Variants in AIFM3 observed in about 807,000 individuals in gnomAD.
AIFM3 encodes the protein AIF family member 3.
AIFM3 carries 71 observed loss-of-function variants against 82.7 expected under a neutral mutation model. The ratio of observed to expected loss-of-function variants is 0.86; its 90% CI spans 0.71 to 1.05. AIFM3 has a LOEUF of 1.05. AIFM3 is among the 50% of genes least tolerant of loss of function. The pLI is 0.00. For synonymous variants in AIFM3, 337 were observed against 329.1 expected, an observed-to-expected ratio of 1.02 and a Z score of -0.26; for missense variants, 748 against 816.7, an observed-to-expected ratio of 0.92 and a Z score of 1.03.
At position 20,979,275 on chromosome 22, in the gene AIFM3, C is replaced by A. The variant is rs1402273933; in HGVS notation, c.1482C>A (p.Arg494=). Residue 494 remains arginine (R), a synonymous_variant, in exon 17 of 21, where the codon CGC becomes CGA. Transcript: ENST00000440238. ...PHWQMAHAQG[R]VAAQNMLAQE... ...TCACGGCCCTGGGTCCCGCAGGGCG[C>A]GTGGCAGCCCAGAACATGTTGGCGC... The A allele has an allele frequency of 6.4e-7, 1 of 1,555,256 alleles. No homozygotes were observed.
chr22:20,979,213 G>C (rs1418952658), intron 16 of AIFM3, 58 bp from the exon 17 acceptor site: 3 of 1,525,662 alleles, frequency 2.0e-6, no homozygotes, highest in South Asian at 1.2e-5. Flanking sequence ...ATCAGGAGCA[G>C]GTAGTGTGGG....
At position 20,973,436 on chromosome 22, in the gene AIFM3, G is replaced by T. The variant is rs771256400; in HGVS notation, c.161G>T (p.Arg54Leu). ...GCCCGCCACTTCCACACGGAGGAGC[G>T]CCTGTCCACCCCTCACCCCTACCCC... ...GTARHFHTEERLSTPHPYPSP... is the reference protein window; with the variant it reads ...GTARHFHTEELLSTPHPYPSP... The change falls in exon 3 of 21, where the codon CGC becomes CTC. Residue 54 changes from arginine (R) to leucine (L), a missense_variant. Physicochemically the swap from Arg to Leu is moderately radical, Grantham distance 102 (BLOSUM62 -2). Around this residue, in one of 5 missense-constraint regions of AIFM3, gnomAD observed 148 missense variants for 134.1 expected, o/e 1.10. Coordinates refer to ENST00000440238, the MANE Select transcript of AIFM3 (RefSeq NM_001386814.1). 24 of 1,613,042 alleles carry T rather than the reference G, an allele frequency of 1.5e-5. No individual in the cohort carries two copies. The highest frequency in any genetic ancestry group is 2.0e-5 in the Non-Finnish European group (24 of 1,179,996).
chr22:20,974,077 G>T lies in AIFM3; in HGVS notation c.370G>T (p.Gly124Cys). 1 of 1,610,018 alleles carries T rather than the reference G, an allele frequency of 6.2e-7. No homozygotes were observed. Among genetic ancestry groups the T allele is most frequent in the Non-Finnish European group, 8.5e-7 (1 of 1,179,382 alleles). ...CCCCTTCCCAGGCGTTCTGTCCCGT[G>T]GTCGGGTGCGCTGCCCCTGGCACGG... ...APLVKGVLSR[G>C]RVRCPWHGAC... Residue 124 changes from glycine (G) to cysteine (C), a missense_variant, in exon 5 of 21, where the codon GGT becomes TGT. Around this residue, in one of 5 missense-constraint regions of AIFM3, gnomAD observed 148 missense variants for 134.1 expected, o/e 1.10. Transcript: ENST00000440238.
intron 16 of AIFM3, among the ~76,000 whole-genome samples, chr22:20,978,363 C>G (rs990260911): frequency 2.0e-5 from 3 of 152,150 alleles, no homozygotes; most frequent in Non-Finnish European, 2.9e-5. Flanking sequence ...TTGGGCCACT[C>G]AAGTATCTCT....
chr22:20,979,393 G>A, intron 17 of AIFM3, 24 bp downstream of exon 17: 1 of 1,548,424 alleles, frequency 6.5e-7, no homozygotes, highest in Non-Finnish European at 8.7e-7. Context: ...CTCGGATGGG[G>A]GCGGGGCCGA....
chr22:20,970,528 T>C (rs1158357016), intron 2 of AIFM3, among the ~76,000 whole-genome samples: 1 of 152,202 alleles, frequency 6.6e-6, no homozygotes, highest in African/African-American at 2.4e-5. Context: ...TGGCTTGATC[T>C]TGGCTCACTG....
In AIFM3 at chr22:20,979,689, G is replaced by C; in HGVS notation, c.1639G>C (p.Ala547Pro). Residue 547 changes from alanine (A) to proline (P), a missense_variant, in exon 18 of 21, where the codon GCT becomes CCT. This residue lies in a region of AIFM3 where 183 missense variants were observed against 158.2 expected (regional missense o/e 1.16). Transcript: ENST00000440238. The part of the protein sequence containing the change: ...QGDLEELKFV[A>P]FYTKGDEVIA... ...GGATCTGGAGGAGCTGAAGTTTGTGGCTTTTTACACTAAGTGAGAGCACCG... is the reference window on the plus strand; with the variant it reads ...GGATCTGGAGGAGCTGAAGTTTGTGCCTTTTTACACTAAGTGAGAGCACCG... 1 of 1,614,220 alleles carries C rather than the reference G, an allele frequency of 6.2e-7. No homozygotes were observed.
At chr22:20,972,765 C>A (rs578040203) in intron 2 of AIFM3, among the ~76,000 whole-genome samples, 1 of 152,108 alleles carries the variant, frequency 6.6e-6, no homozygotes, top group Non-Finnish European at 1.5e-5. Context: ...AAAAAGGAGG[C>A]GGGGTGTGGT....
Position 20,975,632 on chromosome 22 carries a change from C to G in AIFM3, c.721-60C>G. The G allele has an allele frequency of 1.9e-6, 3 of 1,564,304 alleles. No individual in the cohort carries two copies. The South Asian group carries it at 3.3e-5, about 17-fold the overall frequency. ...TGTGACTGGGGCTGGCCCCACCTTC[C>G]CTGGGCCCCAGTGTCTTCTGCTGTA... On this transcript the variant is annotated intron_variant, in intron 8 of 20. Transcript: ENST00000440238.
Position 20,973,398 on chromosome 22 carries a change from G to T in AIFM3, c.123G>T (p.Gln41His). 6.2e-7 allele frequency: 1 copy of T among 1,611,848 alleles called. No individual in the cohort carries two copies. Among genetic ancestry groups the T allele is most frequent in the Non-Finnish European group, 8.5e-7 (1 of 1,179,656 alleles). ...GGAAGGGCAGCCCCCGGGCCTACCAGGGCAATGGCACGGCCCGCCACTTCC... is the reference window on the plus strand; with the variant it reads ...GGAAGGGCAGCCCCCGGGCCTACCATGGCAATGGCACGGCCCGCCACTTCC... ...ASGKGSPRAY[Q>H]GNGTARHFHT... Residue 41 changes from glutamine to histidine, a missense_variant, in exon 3 of 21, where the codon CAG becomes CAT. Gln to His is a conservative substitution (Grantham distance 24). Around this residue, in one of 5 missense-constraint regions of AIFM3, gnomAD observed 148 missense variants for 134.1 expected, o/e 1.10. Coordinates refer to ENST00000440238, the MANE Select transcript of AIFM3 (RefSeq NM_001386814.1).
intron 2 of AIFM3, among the ~76,000 whole-genome samples, chr22:20,972,109 A>G (rs932282651): frequency 3.9e-5 from 6 of 152,248 alleles, no homozygotes; most frequent in African/African-American, 1.2e-4. Flanking sequence ...AGCTATTTTG[A>G]GAAGTTGAAA....
intron 15 of AIFM3, 31 bp from the exon 16 acceptor site, chr22:20,977,857 A>G: frequency 6.2e-7 from 1 of 1,613,816 alleles, no homozygotes; most frequent in Non-Finnish European, 8.5e-7. Context: ...CCCCTGTCAC[A>G]CCCATGGAGC....
In AIFM3 at chr22:20,976,522, G is replaced by C. The variant is rs760681139; in HGVS notation, c.1014G>C (p.Val338=). Residue 338 remains valine, a synonymous_variant, in exon 11 of 21, where the codon GTG becomes GTC. Transcript: ENST00000440238. ...RLARGRNVVV[V]GAGFLGMEVA... is the part of the protein sequence containing the mutation. Reference sequence around the variant, plus strand: ...CCCGAGGCCGCAACGTGGTCGTCGTGGGAGCCGGCTTCCTGGGTGAGAGGT... The same window carrying C: ...CCCGAGGCCGCAACGTGGTCGTCGTCGGAGCCGGCTTCCTGGGTGAGAGGT... The C allele has an allele frequency of 6.2e-7, 1 of 1,613,508 alleles. No homozygotes were observed. Among genetic ancestry groups the C allele is most frequent in the South Asian group, 1.1e-5 (1 of 91,078 alleles).
chr22:20,975,627 C>A, intron 8 of AIFM3, 65 bp from the exon 9 acceptor site: 1 of 1,545,608 alleles, frequency 6.5e-7, no homozygotes, highest in Non-Finnish European at 8.9e-7. Context: ...GCTGGCCCCA[C>A]CTTCCCTGGG....
At chr22:20,974,679 CT>C (rs1292696021) in intron 7 of AIFM3, 24 bp from the exon 8 acceptor site, 1 of 1,613,672 alleles carries the variant, frequency 6.2e-7, no homozygotes, top group Non-Finnish European at 8.5e-7. Context: ...GAAGTGGTTC[CT>C]GGCCCACGGG....
At position 20,979,914 on chromosome 22, in the gene AIFM3, TG is replaced by T. The variant is rs1478431958; in HGVS notation, c.1653-102del. 6.7e-6 allele frequency: 8 copies of T among 1,197,276 alleles called. No homozygotes were observed. In the African/African-American group the frequency reaches 7.6e-5, roughly 11 times the overall value. The allele number at this position is 1,197,276 out of a possible 1,614,324, so 74.2% of individuals were successfully genotyped here. A position where few individuals can be genotyped will look rare whatever the true frequency, so the allele number is the denominator to read the frequency against. ...GGTGCTCAGGCCATTCTTGTTGCCC[TG>T]GGGTAGGTCCTTCCCTGGGCCCCAG... On this transcript the variant is annotated intron_variant, in intron 18 of 20. Coordinates refer to ENST00000440238, the MANE Select transcript of AIFM3 (RefSeq NM_001386814.1).
chr22:20,968,839 C>T (rs1480607179), intron 2 of AIFM3, among the ~76,000 whole-genome samples: 1 of 151,982 alleles, frequency 6.6e-6, no homozygotes, highest in African/African-American at 2.4e-5. Context: ...AGCCAGCTCA[C>T]CCCAGCTCCC....
In AIFM3 at chr22:20,976,482, G is replaced by A. The variant is rs778330092; in HGVS notation, c.974G>A (p.Arg325His). 4.0e-5 allele frequency: 64 copies of A among 1,613,880 alleles called. No individual in the cohort carries two copies. The highest frequency in any genetic ancestry group is 2.6e-5 in the Non-Finnish European group (31 of 1,180,032). ...FTIRTPEDAN[R>H]VVRLARGRNV... ...ATCCGGACGCCAGAGGATGCCAATCGCGTGGTGAGGCTGGCCCGAGGCCGC... is the reference window on the plus strand; with the variant it reads ...ATCCGGACGCCAGAGGATGCCAATCACGTGGTGAGGCTGGCCCGAGGCCGC... Residue 325 changes from arginine to histidine, a missense_variant, in exon 11 of 21, where the codon CGC (arginine) becomes CAC (histidine). Transcript: ENST00000440238.
intron 3 of AIFM3, 93 bp downstream of exon 3, chr22:20,973,613 G>A: frequency 7.0e-7 from 1 of 1,434,534 alleles, no homozygotes; most frequent in Non-Finnish European, 9.4e-7. Context: ...GGCCTGAAGG[G>A]GCTATGACCA....
Sources: gnomAD v4.1 joint callset for allele counts (sites outside exome capture counted in the v4.1 genomes callset) on GRCh38, gnomAD v4.1.1 for gene constraint, gnomAD v4.1.1 regional missense constraint, MANE v1.5 for transcripts, NCBI Gene and HGNC (gene_info 2026-07-23, HGNC 2026-07-21) for gene names.